Variants in SYT7 observed in about 807,000 individuals in gnomAD.
SYT7 encodes synaptotagmin 7, also known as synaptotagmin-7.
A neutral mutation model predicts 75.1 loss-of-function variants in SYT7; 29 were observed. That is an observed-to-expected ratio of 0.39 (90% CI 0.29 to 0.53). The LOEUF (loss-of-function observed/expected upper bound fraction) is 0.53, where lower values mean the gene tolerates loss of function less well. Among genes scored for constraint, SYT7 ranks in the 20% least tolerant of loss-of-function variants. The pLI is 0.77. For synonymous variants in SYT7, 376 were observed against 401.7 expected (o/e 0.94, Z 0.76); for missense variants, 693 against 953.2 (o/e 0.73, Z 3.59).
chr11:61,532,913 A>C lies in SYT7; in HGVS notation c.1200+76T>G, dbSNP rs1468872531. 1.9e-6 allele frequency: 3 copies of C among 1,584,000 alleles called. No individual in the cohort carries two copies. The African/African-American group carries it at 4.0e-5, about 21-fold the overall frequency. ...CACTCCCATGCTGTTAATCATTCCC[A>C]CACACATCCCTCTTCTTCCTGCCCC... On this transcript the variant is annotated intron_variant, in intron 8 of 12. Coordinates refer to ENST00000539008, the MANE Select transcript of SYT7 (RefSeq NM_001365809.2).
At chr11:61,569,174 A>T (rs1453362179) in intron 1 of SYT7, among the ~76,000 whole-genome samples, 1 of 151,542 alleles carries the variant, frequency 6.6e-6, no homozygotes, top group Non-Finnish European at 1.5e-5. Flanking sequence ...TTCTAAATGA[A>T]TTTTTTTTTC....
rs2062188353 is a variant in SYT7, at chr11:61,517,909, TTCTGTTTCTGACC to T, written c.*705_*717del. 1 of 246,972 alleles carries T rather than the reference TTCTGTTTCTGACC, an allele frequency of 4.0e-6. No individual in the cohort carries two copies. Among genetic ancestry groups the T allele is most frequent in the South Asian group, 1.8e-4 (1 of 5,648 alleles). 15.3% of individuals were successfully genotyped at this position (246,972 alleles called of 1,614,324 possible). The stretch of plus-strand genomic sequence containing the variant: ...AGCCCAGCTCCAGCAACTGCAGCTC[TTCTGTTTCTGACC>T]TCTGCCTCACCCGACCCCACTCAGC... On this transcript the variant is annotated 3_prime_UTR_variant, in exon 13 of 13. Transcript: ENST00000539008.
At chr11:61,565,778 G>A (rs1276907718) in intron 1 of SYT7, among the ~76,000 whole-genome samples, 2 of 152,250 alleles carry the variant, frequency 1.3e-5, no homozygotes, top group African/African-American at 2.4e-5. Flanking sequence ...AAAAGAGGAA[G>A]CCCAAGGGGA....
chr11:61,570,380 AG>A (rs2063890784), intron 1 of SYT7, among the ~76,000 whole-genome samples: 2 of 152,304 alleles, frequency 1.3e-5, no homozygotes, highest in South Asian at 4.1e-4. Context: ...ACAGGGTGAG[AG>A]GGTTCTGCAA....
upstream of SYT7, among the ~76,000 whole-genome samples, chr11:61,584,157 A>C (rs1484229387): frequency 6.6e-6 from 1 of 152,168 alleles, no homozygotes; most frequent in Admixed American, 6.5e-5. Context: ...TGGGAGGCCG[A>C]GGCGGGCAGT....
rs892042835 is a variant in SYT7, at chr11:61,514,039, C to T, written c.*4588G>A. 4.6e-5 allele frequency among the ~76,000 whole-genome samples: 7 copies of T among 151,698 alleles called. No individual in the cohort carries two copies. The highest frequency in any genetic ancestry group is 1.9e-4 in the East Asian group (1 of 5,164). On this transcript the variant is annotated 3_prime_UTR_variant, in exon 13 of 13. Transcript: ENST00000539008. ...ACAGGAGAAAGAAAACACCAGAGGG[C>T]GGTGGTCCCAGGTACAGGGAGGGGT...
At chr11:61,526,575 T>C (rs947905404) in intron 9 of SYT7, 2 of 152,248 alleles carry the variant, frequency 1.3e-5, no homozygotes, top group African/African-American at 4.8e-5. Context: ...AGGGCCATAA[T>C]GGTGCCTCAT....
rs895755324 is a variant in SYT7 at position 61,517,494 on chromosome 11, G to A, written c.*1133C>T. The A allele has an allele frequency of 3.0e-5, 12 of 399,064 alleles. No homozygotes were observed. The highest frequency in any genetic ancestry group is 1.8e-4 in the African/African-American group (9 of 48,696). 24.7% of individuals were successfully genotyped at this position (399,064 alleles called of 1,614,324 possible). ...GAGACCACGCACGATGAGACGGAAT[G>A]AATGGAAGGTCTACAAGCATTGGGG... On this transcript the variant is annotated 3_prime_UTR_variant, in exon 13 of 13. Transcript: ENST00000539008.
Position 61,553,047 on chromosome 11 carries a change from C to T in SYT7, c.136-1584G>A, listed in dbSNP as rs12282853. Among the ~76,000 whole-genome samples the T allele has an allele frequency of 0.018, 2,682 of 152,258 alleles. 35 individuals are homozygous for T. The highest frequency in any genetic ancestry group is 0.036 in the South Asian group (174 of 4,826). ...CCTGGAAGTGTCCCTTCTATGGCCC[C>T]GCCCACCCTGGAGTCTGGGCCCCCA... is the stretch of plus-strand genomic sequence containing the variant. On this transcript the variant is annotated intron_variant, in intron 2 of 12. Coordinates refer to ENST00000539008, the MANE Select transcript of SYT7 (RefSeq NM_001365809.2). The surrounding 1 kb of genome is among the most constrained non-coding windows in gnomAD (Gnocchi z 5.2).
chr11:61,577,912 G>A (rs977600843), intron 1 of SYT7, among the ~76,000 whole-genome samples: 12 of 152,166 alleles, frequency 7.9e-5, no homozygotes, highest in Non-Finnish European at 1.3e-4. Context: ...CCTGCCCACT[G>A]CAACGCTGAC....
At chr11:61,519,145 A>T (rs970676086) in intron 12 of SYT7, among the ~76,000 whole-genome samples, 2 of 152,234 alleles carry the variant, frequency 1.3e-5, no homozygotes, top group African/African-American at 4.8e-5. Flanking sequence ...TCATACACAT[A>T]GATCATCAAA....
rs954745097 is a variant in SYT7, at chr11:61,551,143, C to T, written c.215+241G>A. 9.2e-5 allele frequency among the ~76,000 whole-genome samples: 14 copies of T among 151,988 alleles called. No homozygotes were observed. Among genetic ancestry groups the T allele is most frequent in the African/African-American group, 2.4e-4 (10 of 41,380 alleles). On this transcript the variant is annotated intron_variant, in intron 3 of 12. Transcript: ENST00000539008. This position sits in a 1 kb window ranked among gnomAD's most constrained non-coding sequence, Gnocchi z 5.3. ...TTGAGGTGGGCGCAGAAGGTGCTGG[C>T]GGTGAGGGCAGCGGAAACGGAGGCC... is the stretch of plus-strand genomic sequence containing the variant.
At chr11:61,575,490 C>T (rs2008212) in intron 1 of SYT7, among the ~76,000 whole-genome samples, 5,335 of 152,284 alleles carry the variant, frequency 0.035, 315 homozygotes, top group African/African-American at 0.12. Context: ...ATACTAACAG[C>T]CCCACACCGT....
At chr11:61,582,979 G>A (rs1288017665), upstream of SYT7, among the ~76,000 whole-genome samples, 1 of 152,108 alleles carries the variant, frequency 6.6e-6, no homozygotes, top group Non-Finnish European at 1.5e-5. Flanking sequence ...TGTAAGCCCA[G>A]CACTTTGGGA....
chr11:61,573,952 G>C (rs1034542335), intron 1 of SYT7, among the ~76,000 whole-genome samples: 8 of 152,264 alleles, frequency 5.3e-5, no homozygotes, highest in African/African-American at 1.9e-4. Context: ...TCTGAGGATG[G>C]AGGCGCTAAC....
At chr11:61,584,702 C>T (rs756597965), upstream of SYT7, among the ~76,000 whole-genome samples, 46 of 152,218 alleles carry the variant, frequency 3.0e-4, no homozygotes, top group Non-Finnish European at 5.3e-4. Flanking sequence ...AATCCCAATT[C>T]TTTTCTGAGT....
intron 9 of SYT7, among the ~76,000 whole-genome samples, chr11:61,525,528 A>G (rs1014577929): frequency 1.1e-4 from 16 of 152,096 alleles, no homozygotes; most frequent in African/African-American, 3.9e-4. Context: ...TTCAGGTCTC[A>G]GCATTCTTTC....
chr11:61,582,901 C>A (rs1176748238), upstream of SYT7, among the ~76,000 whole-genome samples: 1 of 152,160 alleles, frequency 6.6e-6, no homozygotes, highest in Non-Finnish European at 1.5e-5. Context: ...ATTCCCCCAC[C>A]CACCCCAGCT....
intron 2 of SYT7, among the ~76,000 whole-genome samples, chr11:61,552,531 T>C (rs1397278801): frequency 6.6e-6 from 1 of 152,268 alleles, no homozygotes; most frequent in South Asian, 2.1e-4. Context: ...CACCCTGTCA[T>C]GTGCACCAGC....
Sources: allele counts gnomAD v4.1 joint callset (sites outside exome capture counted in the v4.1 genomes callset), GRCh38; gene constraint gnomAD v4.1.1; non-coding constraint Gnocchi (gnomAD v3.1); transcripts MANE v1.5; gene names NCBI Gene and HGNC (gene_info 2026-07-23, HGNC 2026-07-21).